Variants in L3MBTL4 observed in about 807,000 individuals in gnomAD.
L3MBTL4 encodes lethal(3)malignant brain tumor-like protein 4.
In L3MBTL4, 70 loss-of-function variants were observed where a neutral mutation model predicts 84.5. The ratio of observed to expected loss-of-function variants is 0.83; its 90% CI spans 0.68 to 1.01. The LOEUF is 1.01. Among genes scored for constraint, L3MBTL4 ranks in the 50% least tolerant of loss-of-function variants. The pLI is 0.00. For synonymous variants in L3MBTL4, 274 were observed against 259.8 expected, an observed-to-expected ratio of 1.05 and a Z score of -0.52; for missense variants, 715 against 754.8, an observed-to-expected ratio of 0.95 and a Z score of 0.62.
chr18:6,050,846 T>C (rs952683193), intron 16 of L3MBTL4, among the ~76,000 whole-genome samples: 3 of 152,216 alleles, frequency 2.0e-5, no homozygotes, highest in Admixed American at 1.3e-4. Context: ...AATTTTGTTG[T>C]AGAATGTGTA....
chr18:6,125,774 TG>T (rs1449273319), intron 14 of L3MBTL4, among the ~76,000 whole-genome samples: 2 of 152,322 alleles, frequency 1.3e-5, no homozygotes, highest in African/African-American at 4.8e-5. Flanking sequence ...AAAGCATACC[TG>T]AATAAAATAC....
intron 16 of L3MBTL4, among the ~76,000 whole-genome samples, chr18:5,999,279 A>G (rs1288134978): frequency 6.6e-6 from 1 of 152,230 alleles, no homozygotes; most frequent in Non-Finnish European, 1.5e-5. Context: ...TTCAGATGCT[A>G]TCTTCTCCTG....
At chr18:6,250,910 C>T (rs535141541) in intron 5 of L3MBTL4, among the ~76,000 whole-genome samples, 2 of 152,250 alleles carry the variant, frequency 1.3e-5, no homozygotes, top group South Asian at 4.2e-4. Context: ...CAATGTGTCC[C>T]TTGGGGGACA....
chr18:6,093,189 G>A (rs2058515549), intron 15 of L3MBTL4, among the ~76,000 whole-genome samples, 166 bp downstream of exon 15: 1 of 152,092 alleles, frequency 6.6e-6, no homozygotes, highest in South Asian at 2.1e-4. Context: ...TTTAAATGAA[G>A]ATCAAGGCTT....
chr18:6,088,858 T>A lies in L3MBTL4; in HGVS notation c.1373+4497A>T, dbSNP rs551579829. 8.5e-5 allele frequency among the ~76,000 whole-genome samples: 13 copies of A among 152,304 alleles called. 1 individual carries two copies. In the South Asian group the frequency reaches 2.7e-3, roughly 32 times the overall value. Reference sequence around the variant, plus strand: ...TCCACTACATGCCATCCTTTCTGATTACCACAATTTTCCCCAGGCATTTTT... The same window carrying A: ...TCCACTACATGCCATCCTTTCTGATAACCACAATTTTCCCCAGGCATTTTT... On this transcript the variant is annotated intron_variant, in intron 15 of 18. Transcript: ENST00000317931.
chr18:6,394,779 T>A (rs1020257121), intron 1 of L3MBTL4: 1 of 152,030 alleles, frequency 6.6e-6, no homozygotes, highest in African/African-American at 2.4e-5. Context: ...AAAAGAGAGA[T>A]CCCACCTCAC....
intron 16 of L3MBTL4, among the ~76,000 whole-genome samples, chr18:6,071,761 A>AAAAGAAAGAAAGAAAGAAAGAAAGAAAG (rs201841975): frequency 8.7e-5 from 8 of 92,152 alleles, no homozygotes; most frequent in Non-Finnish European, 1.7e-4. Flanking sequence ...AAGAAAGAAA[A>AAAAGAAAGAAAGAAAGAAAGAAAGAAAG]AAAGAAAGAA....
chr18:6,115,699 G>T (rs1420004987), intron 14 of L3MBTL4, among the ~76,000 whole-genome samples: 3 of 152,192 alleles, frequency 2.0e-5, no homozygotes, highest in Non-Finnish European at 4.4e-5. Context: ...CTCAAGGAGG[G>T]TTTACAGAGT....
At chr18:6,333,221 A>C (rs1397771554) in intron 1 of L3MBTL4, among the ~76,000 whole-genome samples, 1 of 152,206 alleles carries the variant, frequency 6.6e-6, no homozygotes, top group Non-Finnish European at 1.5e-5. Flanking sequence ...AATGATAATG[A>C]ATGGGTTTTA....
intron 1 of L3MBTL4, among the ~76,000 whole-genome samples, chr18:6,412,467 G>C (rs1426337): frequency 0.53 from 80,404 of 151,894 alleles, 21,874 homozygotes; most frequent in East Asian, 0.79. Flanking sequence ...GAGTGATGGG[G>C]GGAGGAGGGA....
intron 4 of L3MBTL4, among the ~76,000 whole-genome samples, chr18:6,271,280 C>A (rs758899085): frequency 6.6e-6 from 1 of 152,036 alleles, no homozygotes; most frequent in Non-Finnish European, 1.5e-5. Flanking sequence ...GAGGTGATGG[C>A]GCGTTAACTA....
intron 16 of L3MBTL4, among the ~76,000 whole-genome samples, chr18:5,993,787 C>T (rs1387197293): frequency 6.6e-6 from 1 of 152,074 alleles, no homozygotes; most frequent in Non-Finnish European, 1.5e-5. Context: ...CCTACAAGGA[C>T]ACAATGTGAA....
chr18:6,378,975 T>A lies in L3MBTL4; in HGVS notation c.-91+35826A>T, dbSNP rs562446529. Among the ~76,000 whole-genome samples the A allele has an allele frequency of 2.8e-3, 425 of 152,316 alleles. 3 individuals carry two copies. The highest frequency in any genetic ancestry group is 9.8e-3 in the African/African-American group (409 of 41,562). The stretch of plus-strand genomic sequence containing the variant: ...AGCATAGAATGCTTTTCCATTTACT[T>A]GTGTCCTCTCTTATTTCCTTGAGCA... On this transcript the variant is annotated intron_variant, in intron 1 of 18. Transcript: ENST00000317931.
chr18:6,135,316 C>G (rs1343076069), intron 14 of L3MBTL4, among the ~76,000 whole-genome samples: 1 of 152,128 alleles, frequency 6.6e-6, no homozygotes, highest in East Asian at 1.9e-4. Context: ...GAGACATTTT[C>G]CCCATGGTCT....
intron 12 of L3MBTL4, among the ~76,000 whole-genome samples, chr18:6,210,951 A>G (rs1009320537): frequency 9.2e-5 from 14 of 152,230 alleles, no homozygotes; most frequent in African/African-American, 3.1e-4. Context: ...CTGCTGAAGT[A>G]CCTATAATAT....
rs2055147426 is a variant in L3MBTL4, at chr18:6,019,427, A to G, written c.1445-49865T>C. On this transcript the variant is annotated intron_variant, in intron 16 of 18. Transcript: ENST00000317931. ...TAGACTGTAGTTTAGAAACCCCCTCATGTTGACCCAGCTGAAGTTGTAATT... is the reference window on the plus strand; with the variant it reads ...TAGACTGTAGTTTAGAAACCCCCTCGTGTTGACCCAGCTGAAGTTGTAATT... Among the ~76,000 whole-genome samples the G allele has an allele frequency of 3.9e-5, 6 of 152,198 alleles. No individual in the cohort carries two copies. In the South Asian group the frequency reaches 1.2e-3, roughly 31 times the overall value.
chr18:6,154,005 C>T (rs536260876), intron 13 of L3MBTL4, among the ~76,000 whole-genome samples: 2 of 152,290 alleles, frequency 1.3e-5, no homozygotes, highest in South Asian at 4.1e-4. Context: ...TATCAGCAAA[C>T]AGAGACAATG....
intron 10 of L3MBTL4, among the ~76,000 whole-genome samples, chr18:6,227,379 C>T (rs934541826): frequency 6.6e-6 from 1 of 152,146 alleles, no homozygotes; most frequent in Admixed American, 6.5e-5. Context: ...AAAACACATT[C>T]TGAGCCATGG....
intron 1 of L3MBTL4, among the ~76,000 whole-genome samples, chr18:6,351,395 A>G (rs1178734761): frequency 6.6e-5 from 10 of 152,066 alleles, no homozygotes; most frequent in Non-Finnish European, 1.5e-4. Flanking sequence ...TTTACTGAAT[A>G]CAGAATTGCA....
Sources: gnomAD v4.1 joint callset for allele counts (sites outside exome capture counted in the v4.1 genomes callset) on GRCh38, gnomAD v4.1.1 for gene constraint, MANE v1.5 for transcripts, NCBI Gene and HGNC (gene_info 2026-07-23, HGNC 2026-07-21) for gene names.